BLTP1: variants seen among roughly 807,000 people sequenced by gnomAD.
The protein encoded by BLTP1 is bridge-like lipid transfer protein family member 1.
chr4:122,157,707 G>A, the BLTP1 span, among the ~76,000 whole-genome samples: 1 of 152,166 alleles, frequency 6.6e-6, no homozygotes, highest in Non-Finnish European at 1.5e-5. Flanking sequence ...GGGGCTGGAA[G>A]GGTTTAATTC....
chr4:122,198,253 T>C, the BLTP1 span: 1 of 983,030 alleles, frequency 1.0e-6, no homozygotes, highest in South Asian at 4.7e-5. Flanking sequence ...CTAACCCTTA[T>C]CTAGTGTTAA....
At chr4:122,267,321 A>G in the BLTP1 span, among the ~76,000 whole-genome samples, 1 of 152,106 alleles carries the variant, frequency 6.6e-6, no homozygotes, top group Admixed American at 6.5e-5. Flanking sequence ...GGCCTCCCAA[A>G]GTGCTGGGAT....
At chr4:122,207,221 A>T in the BLTP1 span, 2 of 1,612,186 alleles carry the variant, frequency 1.2e-6, no homozygotes, top group African/African-American at 2.7e-5. Context: ...TGGGCTGCTA[A>T]TCAACACAAT....
chr4:122,178,183 A>G, the BLTP1 span: 1 of 850,306 alleles, frequency 1.2e-6, no homozygotes, highest in Non-Finnish European at 1.4e-6. Context: ...AGATAGACCT[A>G]TACCAGTAGA....
At chr4:122,325,552 C>T in the BLTP1 span, 1 of 1,206,830 alleles carries the variant, frequency 8.3e-7, no homozygotes, top group African/African-American at 1.6e-5. Flanking sequence ...ATAAAGGCTC[C>T]ATAACTGCTT....
the BLTP1 span, among the ~76,000 whole-genome samples, chr4:122,188,620 TC>T: frequency 7.3e-5 from 11 of 151,106 alleles, no homozygotes; most frequent in African/African-American, 9.8e-5. Flanking sequence ...TTTTTTTTTT[TC>T]CTTCAGTGAA....
At chr4:122,264,390 A>T in the BLTP1 span, 1 of 1,611,182 alleles carries the variant, frequency 6.2e-7, no homozygotes, top group South Asian at 1.1e-5. Context: ...GAAGAAGCAA[A>T]CCAAGGGTTT....
At chr4:122,183,641 C>A in the BLTP1 span, 1 of 386,988 alleles carries the variant, frequency 2.6e-6, no homozygotes, top group Non-Finnish European at 3.5e-6. Context: ...CTACAAGTTA[C>A]AATCACAGGA....
At chr4:122,224,511 T>C in the BLTP1 span, 1 of 1,612,264 alleles carries the variant, frequency 6.2e-7, no homozygotes, top group Non-Finnish European at 8.5e-7. Flanking sequence ...CGACCCCCTG[T>C]GGATGAAGTA....
the BLTP1 span, chr4:122,250,931 T>A: frequency 1.0e-6 from 1 of 985,174 alleles, no homozygotes; most frequent in Non-Finnish European, 1.2e-6. Context: ...TGGTAGTATT[T>A]TATGTCAGTT....
chr4:122,303,420 G>A, the BLTP1 span, among the ~76,000 whole-genome samples: 25 of 152,198 alleles, frequency 1.6e-4, no homozygotes, highest in Non-Finnish European at 2.8e-4. Context: ...ACGTTTTTAT[G>A]CCTAACACAT....
At chr4:122,234,721 T>C in the BLTP1 span, 1 of 1,533,130 alleles carries the variant, frequency 6.5e-7, no homozygotes, top group Non-Finnish European at 8.7e-7. Context: ...TTTCATTTCT[T>C]AATGATTTTT....
At chr4:122,300,863 GAAGTAAGATATTAAGAT>G in the BLTP1 span, 2 of 931,808 alleles carry the variant, frequency 2.1e-6, no homozygotes, top group Non-Finnish European at 2.6e-6. Context: ...AGTGGAAACA[GAAGTAAGATATTAAGAT>G]ATTAGAACAT....
the BLTP1 span, among the ~76,000 whole-genome samples, chr4:122,176,599 A>G: frequency 6.6e-6 from 1 of 152,196 alleles, no homozygotes; most frequent in Non-Finnish European, 1.5e-5. Flanking sequence ...TATCTTTCAT[A>G]TAGTAATATT....
chr4:122,246,792 C>T, the BLTP1 span: 1 of 1,612,804 alleles, frequency 6.2e-7, no homozygotes, highest in Non-Finnish European at 8.5e-7. Context: ...AGAATTGCTA[C>T]ACAGGTTCGC....
At chr4:122,318,420 T>A in the BLTP1 span, 4 of 706,548 alleles carry the variant, frequency 5.7e-6, no homozygotes, top group Non-Finnish European at 9.6e-6. Flanking sequence ...CTTGTGTTAT[T>A]TTCCTATTTT....
chr4:122,325,816 GTTT>G, the BLTP1 span: 26 of 785,872 alleles, frequency 3.3e-5, no homozygotes, highest in South Asian at 7.0e-5. Context: ...TTTTTCATGA[GTTT>G]TTTTTTTTTT....
At chr4:122,321,307 C>T in the BLTP1 span, among the ~76,000 whole-genome samples, 1 of 151,976 alleles carries the variant, frequency 6.6e-6, no homozygotes, top group Non-Finnish European at 1.5e-5. Flanking sequence ...GTGGGAGTAC[C>T]TTAAAACAAA....
chr4:122,354,487 T>TTTG, the BLTP1 span, among the ~76,000 whole-genome samples: 2 of 151,292 alleles, frequency 1.3e-5, no homozygotes, highest in African/African-American at 4.9e-5. Context: ...TTTTTTTTTT[T>TTTG]CATTTGATTA....
Sources: gnomAD v4.1 joint callset for allele counts (sites outside exome capture counted in the v4.1 genomes callset) on GRCh38, gnomAD v4.1.1 for gene constraint, MANE v1.5 for transcripts, NCBI Gene and HGNC (gene_info 2026-07-23, HGNC 2026-07-21) for gene names.